Variants in NID2 observed in about 807,000 individuals in gnomAD.
The protein encoded by NID2 is nidogen 2.
NID2 carries 83 observed loss-of-function variants against 145.4 expected under a neutral mutation model. The ratio of observed to expected loss-of-function variants is 0.57; its 90% CI spans 0.48 to 0.69. The LOEUF is 0.69. Among genes scored for constraint, NID2 ranks in the 30% least tolerant of loss-of-function variants. The pLI, the probability that NID2 is intolerant of heterozygous loss-of-function variation, is 0.00. For missense variants in NID2, 1,807 were observed against 1,765.7 expected (o/e 1.02, Z -0.42); for synonymous variants, 739 against 701.3 (o/e 1.05, Z -0.85).
intron 16 of NID2, among the ~76,000 whole-genome samples, chr14:52,012,546 CGA>C (rs1420531497): frequency 1.1e-4 from 16 of 151,988 alleles, no homozygotes; most frequent in Admixed American, 4.6e-4. Context: ...TGCACCAAGC[CGA>C]GATGGTGCCA....
intron 5 of NID2, among the ~76,000 whole-genome samples, chr14:52,051,955 C>G (rs955518379): frequency 1.4e-4 from 21 of 152,178 alleles, no homozygotes; most frequent in African/African-American, 4.8e-4. Context: ...ATCTCAAGCT[C>G]TCAGAGCCCA....
rs146321499 is a variant in NID2, at chr14:52,053,651, C to A, written c.1357G>T (p.Gly453Cys). The stretch of plus-strand genomic sequence containing the variant: ...CCTCGACTTAAGGGTGTAGTGTGAC[C>A]TGAAGCAGGGTAACTTCGAAGAACA... ...EIVLRSYPAS[G>C]HTTPLSRGTY... Residue 453 changes from glycine to cysteine, a missense_variant, in exon 5 of 22, where the codon GGT becomes TGT. Coordinates refer to ENST00000216286, the MANE Select transcript of NID2 (RefSeq NM_007361.4). 145 of 1,614,112 alleles carry A rather than the reference C, an allele frequency of 9.0e-5. No individual in the cohort carries two copies. Among genetic ancestry groups the A allele is most frequent in the Admixed American group, 1.5e-4 (9 of 60,008 alleles).
chr14:52,033,463 G>C (rs570132838), intron 9 of NID2, among the ~76,000 whole-genome samples: 1 of 145,370 alleles, frequency 6.9e-6, no homozygotes, highest in Admixed American at 6.7e-5. Context: ...AACAACTGGT[G>C]GGGGGTGGCA....
chr14:52,028,279 T>TTTG (rs1555363407), intron 11 of NID2, among the ~76,000 whole-genome samples: 1,978 of 37,076 alleles, frequency 0.053, 26 homozygotes, highest in East Asian at 0.2. Flanking sequence ...TGTTGTTTTT[T>TTTG]TTTTTGTTTT....
rs1159143541 is a variant in NID2, at chr14:52,007,867, A to G, written c.3823T>C (p.Leu1275=). Residue 1275 remains leucine (L), a synonymous_variant, in exon 19 of 22, where the codon TTG becomes CTG. Coordinates refer to ENST00000216286, the MANE Select transcript of NID2 (RefSeq NM_007361.4). ...GGGTCAAAGGTTAAGCCATTGGGCA[A>G]TCCAATGTCTGTATTGATCAGAATT... The part of the protein sequence containing the change: ...RRILINTDIG[L]PNGLTFDPFS... The G allele has an allele frequency of 3.1e-6, 5 of 1,613,512 alleles. No homozygotes were observed. Among genetic ancestry groups the G allele is most frequent in the Middle Eastern group, 1.6e-4 (1 of 6,062 alleles).
intron 5 of NID2, among the ~76,000 whole-genome samples, chr14:52,051,226 T>C (rs532534266): frequency 3.8e-4 from 58 of 152,346 alleles, no homozygotes; most frequent in African/African-American, 1.4e-3. Context: ...TTTCTGGGCC[T>C]TTAACTAAAT....
At position 52,029,432 on chromosome 14, in the gene NID2, A is replaced by G. The variant is rs994411956; in HGVS notation, c.2401+115T>C. The G allele has an allele frequency of 3.4e-5, 32 of 952,290 alleles. 1 individual carries two copies. Among genetic ancestry groups the G allele is most frequent in the Middle Eastern group, 2.8e-4 (1 of 3,592 alleles). 59.0% of individuals were successfully genotyped at this position (952,290 alleles called of 1,614,324 possible). Reference sequence around the variant, plus strand: ...ATTCAGATTAACAGCTGCTAAAATCATTGACAATGGAGGTTGTAAAGGTGA... The same window carrying G: ...ATTCAGATTAACAGCTGCTAAAATCGTTGACAATGGAGGTTGTAAAGGTGA... On this transcript the variant is annotated intron_variant, in intron 10 of 21. Transcript: ENST00000216286.
intron 9 of NID2, among the ~76,000 whole-genome samples, chr14:52,034,634 C>T (rs566535359): frequency 6.6e-6 from 1 of 152,322 alleles, no homozygotes; most frequent in African/African-American, 2.4e-5. Context: ...GTACCTTAAT[C>T]TTGTCATATT....
At chr14:52,035,553 G>C (rs1390244014) in intron 9 of NID2, among the ~76,000 whole-genome samples, 3 of 152,102 alleles carry the variant, frequency 2.0e-5, no homozygotes, top group African/African-American at 7.2e-5. Flanking sequence ...GGCCAACTCT[G>C]GCCTCAAACT....
At chr14:52,043,908 C>T (rs536997864) in intron 5 of NID2, among the ~76,000 whole-genome samples, 1 of 152,198 alleles carries the variant, frequency 6.6e-6, no homozygotes, top group Admixed American at 6.5e-5. Flanking sequence ...TCCACATCCC[C>T]AGGAGGTGGA....
rs773268429 is a variant in NID2, at chr14:52,060,303, G to A, written c.588C>T (p.Leu196=). The A allele has an allele frequency of 6.2e-7, 1 of 1,609,556 alleles. No homozygotes were observed. Among genetic ancestry groups the A allele is most frequent in the Admixed American group, 1.7e-5 (1 of 59,532 alleles). The change falls in exon 3 of 22, where the codon CTC becomes CTT. Residue 196 remains leucine (L), a synonymous_variant. Coordinates refer to ENST00000216286, the MANE Select transcript of NID2 (RefSeq NM_007361.4). ...GCAGGCCGTTGGCAGGATAAAGAAA[G>A]AGGGCGTAGCTATCAGACCCATCAG... The part of the protein sequence containing the change: ...LASDGSDSYA[L]FLYPANGLQF...
chr14:52,030,507 G>GA (rs756675140), intron 9 of NID2, among the ~76,000 whole-genome samples: 13 of 74,070 alleles, frequency 1.8e-4, no homozygotes, highest in African/African-American at 5.8e-4. Context: ...GAAAGAGAAA[G>GA]AAAGAAAGAA....
intron 8 of NID2, among the ~76,000 whole-genome samples, chr14:52,040,189 C>T (rs1322588691): frequency 1.3e-5 from 2 of 151,978 alleles, no homozygotes; most frequent in African/African-American, 4.8e-5. Flanking sequence ...GATCCACCCA[C>T]CTTGGCCTCC....
intron 5 of NID2, among the ~76,000 whole-genome samples, chr14:52,047,966 G>A (rs1566131): frequency 0.81 from 123,575 of 152,076 alleles, 50,399 homozygotes; most frequent in South Asian, 0.88. Context: ...AGACCTACCA[G>A]TTCCACTCTC....
chr14:52,011,509 TTG>T (rs766627056), intron 17 of NID2, 43 bp downstream of exon 17: 23 of 1,611,842 alleles, frequency 1.4e-5, no homozygotes, highest in Middle Eastern at 3.3e-4. Context: ...ACAAGTGACT[TTG>T]TAGAATCAAA....
chr14:52,047,091 T>C (rs546205896), intron 5 of NID2, among the ~76,000 whole-genome samples: 6 of 152,342 alleles, frequency 3.9e-5, no homozygotes, highest in African/African-American at 1.4e-4. Context: ...ACTATAGACC[T>C]GTACCTAGTC....
intron 12 of NID2, among the ~76,000 whole-genome samples, chr14:52,024,422 C>T (rs1387791447): frequency 6.6e-6 from 1 of 152,202 alleles, no homozygotes; most frequent in Non-Finnish European, 1.5e-5. Flanking sequence ...CCAAGGCTTT[C>T]AATCCAATGG....
intron 19 of NID2, chr14:52,007,192 A>T (rs2140339375): frequency 6.5e-6 from 1 of 154,090 alleles, no homozygotes; most frequent in African/African-American, 2.4e-5. Flanking sequence ...TTTCTCATGG[A>T]GCCGATTTAA....
chr14:52,006,056 G>A lies in NID2; in HGVS notation c.4005-207C>T, dbSNP rs1890767442. The A allele has an allele frequency of 3.1e-5, 17 of 555,380 alleles. No individual in the cohort carries two copies. In the South Asian group the frequency reaches 3.2e-4, roughly 10 times the overall value. 34.4% of individuals were successfully genotyped at this position (555,380 alleles called of 1,614,324 possible). ...GCTGCATGTTAGAATCACATGATGA[G>A]CTATCAAATCAGAGTTGTAGGGCAT... On this transcript the variant is annotated intron_variant, in intron 20 of 21. Coordinates refer to ENST00000216286, the MANE Select transcript of NID2 (RefSeq NM_007361.4).
Sources: allele counts gnomAD v4.1 joint callset (sites outside exome capture counted in the v4.1 genomes callset), GRCh38; gene constraint gnomAD v4.1.1; transcripts MANE v1.5; gene names NCBI Gene and HGNC (gene_info 2026-07-23, HGNC 2026-07-21).